Variants in GPC6 observed in about 807,000 individuals in gnomAD.
GPC6 encodes the protein glypican-6.
A neutral mutation model predicts 55.2 loss-of-function variants in GPC6; 14 were observed. The observed-to-expected ratio is 0.25, with a 90% CI of 0.17 to 0.40. The LOEUF (loss-of-function observed/expected upper bound fraction) is 0.40, where lower values mean the gene tolerates loss of function less well. Ranked by LOEUF, GPC6 falls within the 10% of genes least tolerant of loss-of-function variation. The probability of loss-of-function intolerance (pLI) is 1.00; values close to 1 mark genes in which losing one functional copy is unlikely to be tolerated. For missense variants in GPC6, 641 were observed against 708.5 expected (o/e 0.90, Z 1.08); for synonymous variants, 278 against 259.6 (o/e 1.07, Z -0.68).
chr13:94,070,172 A>T (rs1267991463), intron 4 of GPC6, among the ~76,000 whole-genome samples: 13 of 152,234 alleles, frequency 8.5e-5, no homozygotes, highest in African/African-American at 2.9e-4. Flanking sequence ...GGATGGCGGC[A>T]GGCAAAGAGA....
intron 2 of GPC6, among the ~76,000 whole-genome samples, chr13:93,595,310 A>G (rs1274743893): frequency 6.6e-6 from 1 of 152,168 alleles, no homozygotes; most frequent in Non-Finnish European, 1.5e-5. Flanking sequence ...GCCCAATCCT[A>G]TGTGGTGAAT....
intron 3 of GPC6, among the ~76,000 whole-genome samples, chr13:93,975,560 A>G (rs893296083): frequency 3.4e-4 from 52 of 152,292 alleles, no homozygotes; most frequent in Middle Eastern, 3.4e-3. Context: ...AACAGGTCCA[A>G]TTTTTAGACA....
At chr13:93,869,250 C>T (rs759338178) in intron 3 of GPC6, among the ~76,000 whole-genome samples, 1 of 151,764 alleles carries the variant, frequency 6.6e-6, no homozygotes, top group African/African-American at 2.4e-5. Context: ...AGGTTCAAAT[C>T]AGTATAGAAC....
intron 3 of GPC6, among the ~76,000 whole-genome samples, chr13:93,969,399 T>A (rs1880187771): frequency 6.6e-6 from 1 of 152,118 alleles, no homozygotes; most frequent in Non-Finnish European, 1.5e-5. Flanking sequence ...CTTAGCATCT[T>A]GTAGAAAACT....
intron 3 of GPC6, among the ~76,000 whole-genome samples, chr13:93,901,052 T>A (rs1876319795): frequency 6.6e-6 from 1 of 152,152 alleles, no homozygotes; most frequent in African/African-American, 2.4e-5. Context: ...TAAAGAAATA[T>A]ACTTTCCTGA....
chr13:93,479,203 A>T (rs1879406321), intron 1 of GPC6, among the ~76,000 whole-genome samples: 1 of 152,210 alleles, frequency 6.6e-6, no homozygotes, highest in African/African-American at 2.4e-5. Context: ...TTTAGCATTT[A>T]TCTCTTTTTA....
intron 1 of GPC6, among the ~76,000 whole-genome samples, chr13:93,427,662 C>G (rs111299230): frequency 6.6e-6 from 1 of 152,186 alleles, no homozygotes; most frequent in African/African-American, 2.4e-5. Context: ...TCCTCTTCAT[C>G]TTATTTATGA....
At chr13:93,480,331 G>A (rs1468008017) in intron 1 of GPC6, among the ~76,000 whole-genome samples, 1 of 152,008 alleles carries the variant, frequency 6.6e-6, no homozygotes, top group Non-Finnish European at 1.5e-5. Flanking sequence ...AAAAAATTTA[G>A]TTATATTTTC....
intron 4 of GPC6, among the ~76,000 whole-genome samples, chr13:94,195,843 T>G (rs1320847076): frequency 6.6e-6 from 1 of 152,196 alleles, no homozygotes; most frequent in African/African-American, 2.4e-5. Flanking sequence ...GACTGTAGTT[T>G]ACGGGTGACT....
intron 1 of GPC6, among the ~76,000 whole-genome samples, chr13:93,459,871 A>G (rs1182218016): frequency 2.0e-5 from 3 of 152,190 alleles, no homozygotes; most frequent in Non-Finnish European, 2.9e-5. Context: ...CATCCCCTGA[A>G]TTTGTGGCAT....
At chr13:94,332,031 G>C (rs1877453974) in intron 6 of GPC6, among the ~76,000 whole-genome samples, 1 of 152,180 alleles carries the variant, frequency 6.6e-6, no homozygotes, top group South Asian at 2.1e-4. Context: ...CTATGAGGCA[G>C]TAATGCTTTG....
chr13:93,323,713 A>G (rs1454170603), intron 1 of GPC6, among the ~76,000 whole-genome samples: 1 of 152,180 alleles, frequency 6.6e-6, no homozygotes, highest in Non-Finnish European at 1.5e-5. Context: ...AAGGACTTAG[A>G]GTTTGGTAGG....
chr13:93,957,396 C>T (rs758001399), intron 3 of GPC6, among the ~76,000 whole-genome samples: 3 of 152,050 alleles, frequency 2.0e-5, no homozygotes, highest in African/African-American at 7.2e-5. Flanking sequence ...CTCCACTAGT[C>T]GGCAGTGACC....
At chr13:93,260,165 AT>A (rs1250094146) in intron 1 of GPC6, among the ~76,000 whole-genome samples, 1 of 152,120 alleles carries the variant, frequency 6.6e-6, no homozygotes, top group African/African-American at 2.4e-5. Flanking sequence ...GTGATCACTT[AT>A]TTGTTTCTAC....
At chr13:93,566,276 T>C (rs1876115316) in intron 2 of GPC6, among the ~76,000 whole-genome samples, 2 of 152,250 alleles carry the variant, frequency 1.3e-5, no homozygotes. Flanking sequence ...TAGGTACTAT[T>C]CTTTCAAAGT....
intron 1 of GPC6, among the ~76,000 whole-genome samples, chr13:93,453,274 C>T (rs1475486509): frequency 6.6e-6 from 1 of 152,106 alleles, no homozygotes; most frequent in Non-Finnish European, 1.5e-5. Flanking sequence ...ATTCAATATG[C>T]CCCTGTGTTT....
At position 94,013,905 on chromosome 13, in the gene GPC6, A is replaced by C. The variant is rs148799631; in HGVS notation, c.712-13824A>C. On this transcript the variant is annotated intron_variant, in intron 3 of 8. Transcript: ENST00000377047. Reference sequence around the variant, plus strand: ...TATTCCTTTTATCCCAGACTCAGAAAGTGCTGTCGTTTTATGGCTTGCAAA... The same window carrying C: ...TATTCCTTTTATCCCAGACTCAGAACGTGCTGTCGTTTTATGGCTTGCAAA... Among the ~76,000 whole-genome samples the C allele has an allele frequency of 2.0e-3, 307 of 152,338 alleles. 3 individuals are homozygous for C. The Middle Eastern group carries it at 0.031, about 15-fold the overall frequency.
chr13:94,321,611 C>T (rs1206107270), intron 6 of GPC6, among the ~76,000 whole-genome samples: 2 of 152,186 alleles, frequency 1.3e-5, no homozygotes, highest in African/African-American at 2.4e-5. Flanking sequence ...CATTTTAGAG[C>T]AGAGCATTGG....
rs1373754144 is a variant in GPC6, at chr13:93,429,831, T to TAA, written c.161-115430_161-115429dup. On this transcript the variant is annotated intron_variant, in intron 1 of 8. Coordinates refer to ENST00000377047, the MANE Select transcript of GPC6 (RefSeq NM_005708.5). ...CTCAGGTGCCTTGACCCACATGAAA[T>TAA]AAATGACAAATAAGAACATCTGTGA... Among the ~76,000 whole-genome samples the TAA allele has an allele frequency of 2.0e-5, 3 of 152,186 alleles. No homozygotes were observed. The East Asian group carries it at 5.8e-4, about 29-fold the overall frequency.
Sources: gnomAD v4.1 joint callset for allele counts (sites outside exome capture counted in the v4.1 genomes callset) on GRCh38, gnomAD v4.1.1 for gene constraint, MANE v1.5 for transcripts, NCBI Gene and HGNC (gene_info 2026-07-23, HGNC 2026-07-21) for gene names.